Variants in PROX1 observed in about 807,000 individuals in gnomAD.
PROX1 encodes prospero homeobox 1, also known as prospero homeobox protein 1.
PROX1 carries 7 observed loss-of-function variants against 58.8 expected under a neutral mutation model. The observed-to-expected ratio is 0.12, with a 90% CI of 0.07 to 0.22. The LOEUF is 0.22. Among genes scored for constraint, PROX1 ranks in the 10% least tolerant of loss-of-function variants. The pLI is 1.00. For synonymous variants in PROX1, 350 were observed against 358.3 expected (o/e 0.98, Z 0.26); for missense variants, 675 against 927.8 (o/e 0.73, Z 3.54).
chr1:214,030,744 C>G (rs746840889), intron 4 of PROX1: 1 of 152,160 alleles, frequency 6.6e-6, no homozygotes, highest in Non-Finnish European at 1.5e-5. Flanking sequence ...ATTCAGCTGC[C>G]AAGAGCGTTT....
intron 4 of PROX1, among the ~76,000 whole-genome samples, chr1:214,012,936 T>C (rs1272065247): frequency 2.0e-5 from 3 of 152,120 alleles, no homozygotes; most frequent in Non-Finnish European, 2.9e-5. Context: ...CCCCTCCTTT[T>C]TTTCGGCTCT....
intron 2 of PROX1, among the ~76,000 whole-genome samples, chr1:213,998,899 G>A (rs1446846897): frequency 9.2e-5 from 14 of 151,876 alleles, no homozygotes; most frequent in Non-Finnish European, 2.9e-5. Context: ...AAATATACAG[G>A]TACTGATTTA....
At chr1:213,996,398 A>G in intron 1 of PROX1, 71 bp from the exon 2 acceptor site, 1 of 1,013,402 alleles carries the variant, frequency 9.9e-7, no homozygotes, top group Non-Finnish European at 1.4e-6. Flanking sequence ...CATTTGATTC[A>G]GGATTGAGGT....
chr1:214,030,415 T>C (rs1664608001), intron 4 of PROX1: 1 of 152,020 alleles, frequency 6.6e-6, no homozygotes, highest in Non-Finnish European at 1.5e-5. Flanking sequence ...GATAGGCCAT[T>C]GGAGCCTTTG....
At chr1:214,019,822 G>A (rs895747547) in intron 4 of PROX1, among the ~76,000 whole-genome samples, 1 of 152,198 alleles carries the variant, frequency 6.6e-6, no homozygotes, top group South Asian at 2.1e-4. Flanking sequence ...CTTGCCAGAC[G>A]CCTGTGCCCA....
At chr1:213,994,902 C>A (rs1663199812) in intron 1 of PROX1, among the ~76,000 whole-genome samples, 1 of 150,690 alleles carries the variant, frequency 6.6e-6, no homozygotes, top group Non-Finnish European at 1.5e-5. Flanking sequence ...ATGAGGAAAT[C>A]ACTGTCACTT....
intron 4 of PROX1, among the ~76,000 whole-genome samples, chr1:214,015,926 T>C (rs1249325757): frequency 6.6e-6 from 1 of 152,152 alleles, no homozygotes; most frequent in Admixed American, 6.5e-5. Flanking sequence ...CCAGTAAGAA[T>C]GACAGATCTC....
intron 1 of PROX1, 27 bp from the exon 2 acceptor site, chr1:213,996,442 C>A: frequency 7.1e-7 from 1 of 1,401,992 alleles, no homozygotes; most frequent in Non-Finnish European, 9.6e-7. Flanking sequence ...GAAAATGATT[C>A]ATCAGTCCTT....
At position 213,988,422 on chromosome 1, in the gene PROX1, G is replaced by T. The variant is rs1377147518; in HGVS notation, c.-129G>T. The T allele has an allele frequency of 1.4e-5, 2 of 147,446 alleles. No homozygotes were observed. The highest frequency in any genetic ancestry group is 5.2e-5 in the African/African-American group (2 of 38,724). The allele number at this position is 147,446 out of a possible 1,614,324, so 9.1% of individuals were successfully genotyped here. On this transcript the variant is annotated 5_prime_UTR_variant, in exon 1 of 5. Transcript: ENST00000366958. ...CCGGGGGAAAAAAAAGAGAGAGAGA[G>T]AGATAGAGAGAGAGAGAGAGAGAGA...
chr1:214,017,343 G>A (rs183641657), intron 4 of PROX1, among the ~76,000 whole-genome samples: 12 of 152,148 alleles, frequency 7.9e-5, no homozygotes, highest in Non-Finnish European at 1.6e-4. Flanking sequence ...ATTGTTCCTC[G>A]GCACAGAGAG....
chr1:214,015,037 A>G (rs912209862), intron 4 of PROX1, among the ~76,000 whole-genome samples: 1 of 152,106 alleles, frequency 6.6e-6, no homozygotes, highest in Non-Finnish European at 1.5e-5. Flanking sequence ...TGAGTACAGG[A>G]CCTTCTAAGT....
At position 213,998,142 on chromosome 1, in the gene PROX1, A is replaced by T; in HGVS notation, c.1607A>T (p.His536Leu). 1 of 1,613,920 alleles carries T rather than the reference A, an allele frequency of 6.2e-7. No homozygotes were observed. Among genetic ancestry groups the T allele is most frequent in the Non-Finnish European group, 8.5e-7 (1 of 1,179,960 alleles). ...ATGTCATCTCACCACCTGAGCCACC[A>T]CCCTTGTTCACCAGCACACCCGCCC... The part of the protein sequence containing the change: ...TKMSSHHLSH[H>L]PCSPAHPPST... Residue 536 changes from histidine (H) to leucine (L), a missense_variant, in exon 2 of 5, where the codon CAC (histidine) becomes CTC (leucine). Around this residue, in one of 8 missense-constraint regions of PROX1, gnomAD observed 403 missense variants for 477.4 expected, o/e 0.84. Transcript: ENST00000366958.
chr1:213,993,619 G>A (rs140822215), intron 1 of PROX1, among the ~76,000 whole-genome samples: 17 of 152,208 alleles, frequency 1.1e-4, no homozygotes, highest in African/African-American at 3.6e-4. Context: ...TGTGTCAACC[G>A]GTTATTATTA....
At chr1:214,020,781 A>G (rs1033284065) in intron 4 of PROX1, among the ~76,000 whole-genome samples, 4 of 152,234 alleles carry the variant, frequency 2.6e-5, no homozygotes, top group African/African-American at 9.6e-5. Context: ...TGAGCAAACC[A>G]TAAGATTTTA....
Position 213,997,878 on chromosome 1 carries a change from C to G in PROX1, c.1343C>G (p.Ser448Cys). ...ALPLVVRKNSSDQSASGPAAG... is the reference protein window; with the variant it reads ...ALPLVVRKNSCDQSASGPAAG... ...CCCCTGGTTGTCCGCAAAAACTCCT[C>G]TGACCAGTCTGCCTCCGGCCCTGCC... The change falls in exon 2 of 5, where the codon TCT becomes TGT. Residue 448 changes from serine (S) to cysteine (C), a missense_variant. By Grantham distance (112) the Ser-to-Cys change is moderately radical. Transcript: ENST00000366958. The surrounding 1 kb of genome is among the most constrained non-coding windows in gnomAD (Gnocchi z 7.1). 6.2e-7 allele frequency: 1 copy of G among 1,612,686 alleles called. No individual in the cohort carries two copies. Among genetic ancestry groups the G allele is most frequent in the Non-Finnish European group, 8.5e-7 (1 of 1,179,260 alleles).
chr1:213,994,487 T>G (rs1663169229), intron 1 of PROX1, among the ~76,000 whole-genome samples: 1 of 152,000 alleles, frequency 6.6e-6, no homozygotes, highest in South Asian at 2.1e-4. Context: ...TGATTCATCC[T>G]TTTTCTTGTC....
chr1:214,003,176 C>A (rs1663585003), intron 2 of PROX1, among the ~76,000 whole-genome samples: 1 of 152,188 alleles, frequency 6.6e-6, no homozygotes, highest in South Asian at 2.1e-4. Flanking sequence ...GTTTTGGTAG[C>A]TCAGTGCCCA....
chr1:213,990,945 G>A (rs545976340), intron 1 of PROX1, among the ~76,000 whole-genome samples: 6 of 152,242 alleles, frequency 3.9e-5, no homozygotes, highest in African/African-American at 1.4e-4. Flanking sequence ...TGAATTTGAT[G>A]GAGAAAGAAA....
rs1414101946 is a variant in PROX1 at position 213,997,104 on chromosome 1, A to G, written c.569A>G (p.Glu190Gly). ...GTGGCATTAAGGGGCAATGAAAATGAAAGAGAGATGGCCCCGCAGTCTGTG... is the reference window on the plus strand; with the variant it reads ...GTGGCATTAAGGGGCAATGAAAATGGAAGAGAGATGGCCCCGCAGTCTGTG... Reference protein sequence around the residue: ...PSVALRGNENEREMAPQSVSP... With the variant: ...PSVALRGNENGREMAPQSVSP... The change falls in exon 2 of 5, where the codon GAA (glutamate) becomes GGA (glycine). Residue 190 changes from glutamate to glycine, a missense_variant. Coordinates refer to ENST00000366958, the MANE Select transcript of PROX1 (RefSeq NM_001270616.2). The surrounding 1 kb of genome is among the most constrained non-coding windows in gnomAD (Gnocchi z 7.1). The G allele has an allele frequency of 6.2e-7, 1 of 1,613,864 alleles. No homozygotes were observed. The highest frequency in any genetic ancestry group is 1.7e-5 in the Admixed American group (1 of 59,958).
Sources: gnomAD v4.1 joint callset for allele counts (sites outside exome capture counted in the v4.1 genomes callset) on GRCh38, gnomAD v4.1.1 for gene constraint, gnomAD v4.1.1 regional missense constraint, Gnocchi (gnomAD v3.1) non-coding constraint, MANE v1.5 for transcripts, NCBI Gene and HGNC (gene_info 2026-07-23, HGNC 2026-07-21) for gene names.